CYP3A43: variants seen among roughly 807,000 people sequenced by gnomAD.
The protein encoded by CYP3A43 is cytochrome P450 family 3 subfamily A member 43.
Under a neutral mutation model 58.0 loss-of-function variants are expected in CYP3A43, and 45 were observed. The observed-to-expected ratio is 0.78, with a 90% CI of 0.61 to 0.99. CYP3A43 has a LOEUF of 0.99. Among genes scored for constraint, CYP3A43 ranks in the 50% least tolerant of loss-of-function variants. CYP3A43 has a pLI of 0.00. For missense variants in CYP3A43, 593 were observed against 591.9 expected, an observed-to-expected ratio of 1.00 and a Z score of -0.02; for synonymous variants, 191 against 201.4, an observed-to-expected ratio of 0.95 and a Z score of 0.44.
intron 3 of CYP3A43, among the ~76,000 whole-genome samples, chr7:99,843,782 T>C (rs184506757): frequency 1.2e-4 from 18 of 152,300 alleles, no homozygotes; most frequent in Admixed American, 1.1e-3. Flanking sequence ...TGAAATATTT[T>C]AAACATACAA....
At chr7:99,863,262 T>TA (rs1818312284) in intron 11 of CYP3A43, among the ~76,000 whole-genome samples, 1 of 152,210 alleles carries the variant, frequency 6.6e-6, no homozygotes, top group African/African-American at 2.4e-5. Flanking sequence ...AGTAGTCTTT[T>TA]AAAAACACAT....
intron 7 of CYP3A43, among the ~76,000 whole-genome samples, chr7:99,851,919 AG>A (rs1256410539): frequency 6.6e-6 from 1 of 152,156 alleles, no homozygotes; most frequent in Non-Finnish European, 1.5e-5. Context: ...TTTTCTTTTA[AG>A]GGTTGTATAG....
intron 2 of CYP3A43, 125 bp downstream of exon 2, chr7:99,836,671 A>G (rs1817094636): frequency 1.4e-6 from 1 of 694,692 alleles, no homozygotes; most frequent in African/African-American, 1.8e-5. Context: ...AATGGTGTGT[A>G]TGCTCCACCC....
At chr7:99,849,931 C>A in intron 7 of CYP3A43, 1 of 557,112 alleles carries the variant, frequency 1.8e-6, no homozygotes, top group Non-Finnish European at 3.3e-6. Context: ...ATTTAACCAT[C>A]ATCCCCTTCC....
intron 9 of CYP3A43, among the ~76,000 whole-genome samples, chr7:99,858,512 T>C (rs1317865781): frequency 1.3e-5 from 2 of 151,760 alleles, no homozygotes; most frequent in Admixed American, 1.3e-4. Flanking sequence ...TCGGTGAGCA[T>C]GAAGTGGAGC....
At chr7:99,835,543 A>ATG (rs1389437419) in intron 1 of CYP3A43, among the ~76,000 whole-genome samples, 1 of 152,232 alleles carries the variant, frequency 6.6e-6, no homozygotes, top group Non-Finnish European at 1.5e-5. Flanking sequence ...CTGATTTAAC[A>ATG]TGTACCTCAA....
chr7:99,861,003 A>G (rs751504733), intron 10 of CYP3A43, among the ~76,000 whole-genome samples: 4 of 151,940 alleles, frequency 2.6e-5, no homozygotes, highest in African/African-American at 4.8e-5. Flanking sequence ...CCACCTGAGT[A>G]GCTGGGATTA....
At chr7:99,839,672 G>C (rs1200687184) in intron 3 of CYP3A43, among the ~76,000 whole-genome samples, 3 of 152,276 alleles carry the variant, frequency 2.0e-5, no homozygotes, top group South Asian at 2.1e-4. Context: ...AGGTTGGATA[G>C]GTGAAAGAAA....
At chr7:99,844,351 T>C in intron 4 of CYP3A43, 109 bp downstream of exon 4, 1 of 1,001,078 alleles carries the variant, frequency 1.0e-6, no homozygotes, top group Non-Finnish European at 1.5e-6. Context: ...TACTTCGTCC[T>C]ATTTCCCCCA....
intron 1 of CYP3A43, among the ~76,000 whole-genome samples, chr7:99,834,819 G>C (rs1340452399): frequency 1.3e-5 from 2 of 152,148 alleles, no homozygotes; most frequent in Admixed American, 6.5e-5. Flanking sequence ...ACCAAACACT[G>C]GTTGAGGCTG....
intron 9 of CYP3A43, among the ~76,000 whole-genome samples, chr7:99,857,602 G>A (rs1818033208): frequency 6.6e-6 from 1 of 152,186 alleles, no homozygotes; most frequent in Admixed American, 6.5e-5. Flanking sequence ...CAGCACTTTG[G>A]GAGGCCGAGG....
intron 5 of CYP3A43, 94 bp downstream of exon 5, chr7:99,847,695 C>A: frequency 6.4e-7 from 1 of 1,569,780 alleles, no homozygotes; most frequent in Non-Finnish European, 8.7e-7. Flanking sequence ...AATGGGTAGT[C>A]CACTGAGTTT....
chr7:99,841,178 C>G (rs1817316040), intron 3 of CYP3A43, among the ~76,000 whole-genome samples: 1 of 152,158 alleles, frequency 6.6e-6, no homozygotes, highest in South Asian at 2.1e-4. Context: ...TTATTGTCAG[C>G]TAGCTATAAC....
At chr7:99,856,732 GA>G in intron 8 of CYP3A43, 100 bp from the exon 9 acceptor site, 1 of 1,210,808 alleles carries the variant, frequency 8.3e-7, no homozygotes, top group Non-Finnish European at 1.2e-6. Flanking sequence ...TGAACTTAAA[GA>G]GAGCATATTC....
At chr7:99,837,318 C>CAAAAA (rs35566033) in intron 2 of CYP3A43, among the ~76,000 whole-genome samples, 13 of 66,672 alleles carry the variant, frequency 1.9e-4, no homozygotes, top group African/African-American at 5.7e-4. Flanking sequence ...GACTGTGTCT[C>CAAAAA]AAAAAAAAAA....
intron 4 of CYP3A43, among the ~76,000 whole-genome samples, chr7:99,844,926 A>C (rs951042019): frequency 1.3e-5 from 2 of 152,072 alleles, no homozygotes; most frequent in African/African-American, 4.8e-5. Flanking sequence ...AAAATTAGCC[A>C]GGCATGGTGG....
At chr7:99,853,424 A>G (rs1334557553) in intron 7 of CYP3A43, among the ~76,000 whole-genome samples, 1 of 151,130 alleles carries the variant, frequency 6.6e-6, no homozygotes, top group Non-Finnish European at 1.5e-5. Context: ...GCTAATTTTT[A>G]TTTTTCTTAA....
At position 99,863,665 on chromosome 7, in the gene CYP3A43, A is replaced by G. The variant is rs1818332807; in HGVS notation, c.1382A>G (p.Gln461Arg). ...AAACTTGCTGTCATTAGAGCACTGCAGAACTTCTCCTTCAAACCTTGTAAA... is the reference window on the plus strand; with the variant it reads ...AAACTTGCTGTCATTAGAGCACTGCGGAACTTCTCCTTCAAACCTTGTAAA... ...NIKLAVIRAL[Q>R]NFSFKPCKET... Residue 461 changes from glutamine (Q) to arginine (R), a missense_variant, in exon 12 of 13, where the codon CAG (glutamine) becomes CGG (arginine). Physicochemically the swap from Gln to Arg is conservative, Grantham distance 43 (BLOSUM62 1). Transcript: ENST00000354829. The G allele has an allele frequency of 1.2e-6, 2 of 1,610,948 alleles. No individual in the cohort carries two copies. Among genetic ancestry groups the G allele is most frequent in the East Asian group, 4.5e-5 (2 of 44,844 alleles).
intron 1 of CYP3A43, among the ~76,000 whole-genome samples, chr7:99,834,312 T>A (rs796601843): frequency 6.6e-6 from 1 of 152,162 alleles, no homozygotes; most frequent in Non-Finnish European, 1.5e-5. Context: ...CCTATAGTAT[T>A]TAATGATTCT....
Sources: gnomAD v4.1 joint callset for allele counts (sites outside exome capture counted in the v4.1 genomes callset) on GRCh38, gnomAD v4.1.1 for gene constraint, MANE v1.5 for transcripts, NCBI Gene and HGNC (gene_info 2026-07-23, HGNC 2026-07-21) for gene names.